Variants in NT5DC1 observed in about 807,000 individuals in gnomAD.
The protein encoded by NT5DC1 is 5'-nucleotidase domain containing 1.
In NT5DC1, 42 loss-of-function variants were observed where a neutral mutation model predicts 59.4. The ratio of observed to expected loss-of-function variants is 0.71; its 90% CI spans 0.55 to 0.92. The LOEUF is 0.92. NT5DC1 is among the 40% of genes least tolerant of loss of function. The pLI, the probability that NT5DC1 is intolerant of heterozygous loss-of-function variation, is 0.00. For synonymous variants in NT5DC1, 172 were observed against 188.1 expected (o/e 0.91, Z 0.70); for missense variants, 501 against 537.1 (o/e 0.93, Z 0.66).
chr6:116,193,767 AAAAAT>A (rs1407708148), intron 6 of NT5DC1, among the ~76,000 whole-genome samples: 2 of 35,514 alleles, frequency 5.6e-5, no homozygotes, highest in East Asian at 4.2e-4. Context: ...TTATACTGTT[AAAAAT>A]AAAAAAAGAG....
chr6:116,160,817 G>A (rs552238761), intron 6 of NT5DC1, among the ~76,000 whole-genome samples: 1 of 152,162 alleles, frequency 6.6e-6, no homozygotes, highest in East Asian at 1.9e-4. Flanking sequence ...AGAAATAGGG[G>A]TCCACCAGCC....
intron 6 of NT5DC1, among the ~76,000 whole-genome samples, chr6:116,217,456 T>A (rs1391828408): frequency 6.6e-6 from 1 of 152,106 alleles, no homozygotes; most frequent in African/African-American, 2.4e-5. Flanking sequence ...TGAAATAGAA[T>A]TCCTTTGGAG....
In NT5DC1 at chr6:116,249,110, A is replaced by T. The variant is rs575872927; in HGVS notation, c.*5086A>T. The T allele has an allele frequency of 6.6e-6, 1 of 152,246 alleles. No individual in the cohort carries two copies. Among genetic ancestry groups the T allele is most frequent in the South Asian group, 2.1e-4 (1 of 4,834 alleles). The allele number at this position is 152,246 out of a possible 1,614,324, so 9.4% of individuals were successfully genotyped here. On this transcript the variant is annotated 3_prime_UTR_variant, in exon 12 of 12. Transcript: ENST00000319550. Reference sequence around the variant, plus strand: ...AATCAATCACTGAACTGAAAAGGTAAAATGAACATTGTTAGAGGAATTTAG... The same window carrying T: ...AATCAATCACTGAACTGAAAAGGTATAATGAACATTGTTAGAGGAATTTAG...
At chr6:116,196,576 A>T (rs1212919804) in intron 6 of NT5DC1, among the ~76,000 whole-genome samples, 1 of 152,076 alleles carries the variant, frequency 6.6e-6, no homozygotes, top group African/African-American at 2.4e-5. Context: ...ATGTTATTTT[A>T]TCAAATTATA....
chr6:116,155,277 C>G (rs1177333333), intron 6 of NT5DC1, among the ~76,000 whole-genome samples: 1 of 152,114 alleles, frequency 6.6e-6, no homozygotes, highest in Non-Finnish European at 1.5e-5. Context: ...CCAGACTGCT[C>G]CAGATATCTG....
At chr6:116,130,647 T>C (rs1349318789) in intron 6 of NT5DC1, among the ~76,000 whole-genome samples, 1 of 152,126 alleles carries the variant, frequency 6.6e-6, no homozygotes, top group Admixed American at 6.6e-5. Flanking sequence ...AAGAAACGTA[T>C]GCACAGGGTG....
At chr6:116,133,851 T>C (rs1162189963) in intron 6 of NT5DC1, among the ~76,000 whole-genome samples, 1 of 152,180 alleles carries the variant, frequency 6.6e-6, no homozygotes, top group East Asian at 1.9e-4. Flanking sequence ...TAAAGGTAAT[T>C]GCTATTTGGG....
At chr6:116,196,049 G>A (rs1282604697) in intron 6 of NT5DC1, among the ~76,000 whole-genome samples, 1 of 152,010 alleles carries the variant, frequency 6.6e-6, no homozygotes, top group Non-Finnish European at 1.5e-5. Flanking sequence ...TTGTCGGGTT[G>A]TTAAGGGGCT....
At chr6:116,144,782 A>G (rs1318510983) in intron 6 of NT5DC1, among the ~76,000 whole-genome samples, 1 of 152,150 alleles carries the variant, frequency 6.6e-6, no homozygotes, top group Non-Finnish European at 1.5e-5. Flanking sequence ...AGCCAATGGT[A>G]TTTGTCCCTG....
chr6:116,246,595 C>T lies in NT5DC1; in HGVS notation c.*2571C>T, dbSNP rs1049701691. ...CAAACTGCCTCTCTAGATATAATAA[C>T]CTTCACTGACTGTTGGAAATACATG... On this transcript the variant is annotated 3_prime_UTR_variant, in exon 12 of 12. Transcript: ENST00000319550. 1 of 151,976 alleles carries T rather than the reference C, an allele frequency of 6.6e-6. No individual in the cohort carries two copies. The highest frequency in any genetic ancestry group is 1.9e-4 in the East Asian group (1 of 5,182). The allele number at this position is 151,976 out of a possible 1,614,324, so 9.4% of individuals were successfully genotyped here. A position where few individuals can be genotyped will look rare whatever the true frequency, so the allele number is the denominator to read the frequency against.
At chr6:116,152,514 G>C (rs1780070320) in intron 6 of NT5DC1, among the ~76,000 whole-genome samples, 3 of 152,112 alleles carry the variant, frequency 2.0e-5, no homozygotes, top group Admixed American at 2.0e-4. Context: ...AGGCACGATG[G>C]GGTCTCCAGG....
chr6:116,137,268 A>G (rs900614704), intron 6 of NT5DC1: 4 of 156,200 alleles, frequency 2.6e-5, no homozygotes, highest in African/African-American at 7.2e-5. Context: ...GTCTCCATAT[A>G]GAAAGGACTG....
intron 6 of NT5DC1, among the ~76,000 whole-genome samples, chr6:116,210,905 G>A (rs6929423): frequency 6.6e-6 from 1 of 151,944 alleles, no homozygotes; most frequent in African/African-American, 2.4e-5. Flanking sequence ...ATGTTTGGCA[G>A]CTAGTCTACA....
intron 6 of NT5DC1, among the ~76,000 whole-genome samples, chr6:116,129,709 C>T (rs189776022): frequency 4.6e-5 from 7 of 152,276 alleles, no homozygotes; most frequent in African/African-American, 1.4e-4. Context: ...CTGTGGCATT[C>T]TGTTATAGTA....
intron 6 of NT5DC1, among the ~76,000 whole-genome samples, chr6:116,153,172 A>G (rs1023558952): frequency 6.6e-6 from 1 of 151,948 alleles, no homozygotes; most frequent in Non-Finnish European, 1.5e-5. Flanking sequence ...ATACAACATA[A>G]TTTTTGAGTA....
At chr6:116,121,550 C>T (rs1225909280) in intron 6 of NT5DC1, 4 of 1,614,000 alleles carry the variant, frequency 2.5e-6, no homozygotes, top group South Asian at 1.1e-5. Flanking sequence ...TCCCATTTCC[C>T]CTTTCTGTCC....
intron 6 of NT5DC1, among the ~76,000 whole-genome samples, chr6:116,197,904 A>C (rs1781270255): frequency 6.6e-6 from 1 of 152,080 alleles, no homozygotes; most frequent in Non-Finnish European, 1.5e-5. Context: ...CTACTTCATT[A>C]GGAGCTCCAC....
intron 6 of NT5DC1, among the ~76,000 whole-genome samples, chr6:116,204,770 T>C (rs1781416850): frequency 6.6e-6 from 1 of 151,974 alleles, no homozygotes; most frequent in South Asian, 2.1e-4. Flanking sequence ...TTCTAGAATG[T>C]AAGGTCTATG....
At chr6:116,219,961 C>CA (rs1170500016) in intron 6 of NT5DC1, among the ~76,000 whole-genome samples, 2,123 of 35,868 alleles carry the variant, frequency 0.059, 166 homozygotes, top group Admixed American at 0.12. Flanking sequence ...GACTCTGTCT[C>CA]AAAAAAAAAA....
Sources: allele counts gnomAD v4.1 joint callset (sites outside exome capture counted in the v4.1 genomes callset), GRCh38; gene constraint gnomAD v4.1.1; transcripts MANE v1.5; gene names NCBI Gene and HGNC (gene_info 2026-07-23, HGNC 2026-07-21).